The following SLC25A21 variants were observed in gnomAD, a reference collection of about 807,000 sequenced individuals.
SLC25A21 encodes the protein solute carrier family 25 member 21.
A neutral mutation model predicts 43.8 loss-of-function variants in SLC25A21; 47 were observed. The ratio of observed to expected loss-of-function variants is 1.07; its 90% CI spans 0.85 to 1.37. The LOEUF is 1.37. Ranked by LOEUF, SLC25A21 falls within the 40% of genes most tolerant of loss-of-function variation. SLC25A21 has a pLI of 0.00. For missense variants in SLC25A21, 352 were observed against 350.2 expected (o/e 1.00, Z -0.04); for synonymous variants, 131 against 121.3 (o/e 1.08, Z -0.52).
At chr14:36,909,929 C>T (rs150689486) in intron 1 of SLC25A21, among the ~76,000 whole-genome samples, 18 of 152,188 alleles carry the variant, frequency 1.2e-4, no homozygotes, top group African/African-American at 4.3e-4. Context: ...CAGTACCATT[C>T]CAAAGAACTG....
chr14:36,915,584 T>C (rs1042781493), intron 1 of SLC25A21, among the ~76,000 whole-genome samples: 6 of 152,126 alleles, frequency 3.9e-5, no homozygotes, highest in African/African-American at 1.4e-4. Context: ...CCCTCCGAAG[T>C]GAAAGGATCA....
At chr14:36,988,125 T>G (rs1960186081) in intron 1 of SLC25A21, among the ~76,000 whole-genome samples, 1 of 152,210 alleles carries the variant, frequency 6.6e-6, no homozygotes, top group African/African-American at 2.4e-5. Flanking sequence ...CTCTGCCATT[T>G]GACATACCTG....
chr14:36,965,796 C>A, intron 1 of SLC25A21, among the ~76,000 whole-genome samples: 1 of 152,108 alleles, frequency 6.6e-6, no homozygotes, highest in East Asian at 1.9e-4. Context: ...GAGCCCTAAT[C>A]ATCTGAGAAC....
chr14:36,763,080 T>A (rs1886226623), intron 3 of SLC25A21, among the ~76,000 whole-genome samples: 1 of 152,092 alleles, frequency 6.6e-6, no homozygotes, highest in Non-Finnish European at 1.5e-5. Flanking sequence ...AGCAAAGAGA[T>A]TAGGTCTTGG....
intron 1 of SLC25A21, among the ~76,000 whole-genome samples, chr14:37,056,183 C>A (rs1446582462): frequency 6.6e-6 from 1 of 152,130 alleles, no homozygotes. Flanking sequence ...AATTAAACTT[C>A]TTTTCTTTAT....
chr14:36,681,371 G>A (rs992513922), intron 9 of SLC25A21, among the ~76,000 whole-genome samples: 1 of 152,128 alleles, frequency 6.6e-6, no homozygotes, highest in Non-Finnish European at 1.5e-5. Flanking sequence ...CATTTGTCTT[G>A]GAAGAAAAGA....
chr14:36,702,699 C>T (rs1351691441), intron 7 of SLC25A21, among the ~76,000 whole-genome samples: 1 of 152,016 alleles, frequency 6.6e-6, no homozygotes, highest in East Asian at 1.9e-4. Context: ...CTGTAAACGT[C>T]ATTAAGAGAG....
intron 3 of SLC25A21, among the ~76,000 whole-genome samples, chr14:36,812,507 T>TA (rs1264263917): frequency 6.6e-6 from 1 of 150,384 alleles, no homozygotes; most frequent in African/African-American, 2.4e-5. Context: ...TTAAAATATA[T>TA]AGATACACAC....
chr14:36,860,005 C>A (rs1890022257), intron 2 of SLC25A21, among the ~76,000 whole-genome samples: 1 of 151,624 alleles, frequency 6.6e-6, no homozygotes, highest in Admixed American at 6.6e-5. Flanking sequence ...ATATATATAT[C>A]AATGAAGGAA....
chr14:36,887,417 G>T (rs1890949879), intron 1 of SLC25A21, among the ~76,000 whole-genome samples: 1 of 151,900 alleles, frequency 6.6e-6, no homozygotes, highest in South Asian at 2.1e-4. Context: ...ACAAAAGTTA[G>T]CTGGGCGTGG....
chr14:36,909,224 C>A (rs1843803753), intron 1 of SLC25A21, among the ~76,000 whole-genome samples: 1 of 152,104 alleles, frequency 6.6e-6, no homozygotes, highest in Non-Finnish European at 1.5e-5. Flanking sequence ...TACGAGGGGT[C>A]TGGTAGGCAA....
At chr14:36,990,865 C>G (rs1172819121) in intron 1 of SLC25A21, among the ~76,000 whole-genome samples, 1 of 151,600 alleles carries the variant, frequency 6.6e-6, no homozygotes, top group African/African-American at 2.4e-5. Flanking sequence ...TGAACTCCAG[C>G]CTGAACTCCA....
intron 1 of SLC25A21, among the ~76,000 whole-genome samples, chr14:36,886,899 A>T (rs945082174): frequency 6.6e-6 from 1 of 152,182 alleles, no homozygotes; most frequent in Non-Finnish European, 1.5e-5. Context: ...TGGGTAAGTG[A>T]ACCAATTTTC....
At chr14:37,080,223 C>G (rs1358742705) in intron 1 of SLC25A21, among the ~76,000 whole-genome samples, 2 of 152,188 alleles carry the variant, frequency 1.3e-5, no homozygotes, top group African/African-American at 4.8e-5. Context: ...GAAACCCTAA[C>G]TTCTACTGTA....
At chr14:36,842,690 C>T (rs1191855779) in intron 2 of SLC25A21, among the ~76,000 whole-genome samples, 1 of 152,116 alleles carries the variant, frequency 6.6e-6, no homozygotes, top group Non-Finnish European at 1.5e-5. Flanking sequence ...AGATCACCAC[C>T]TTTGATATAA....
intron 1 of SLC25A21, among the ~76,000 whole-genome samples, chr14:37,010,066 C>G (rs994323292): frequency 1.5e-4 from 23 of 152,160 alleles, no homozygotes; most frequent in African/African-American, 4.8e-4. Flanking sequence ...GACCTTGGAC[C>G]TACTGCCTCT....
intron 1 of SLC25A21, among the ~76,000 whole-genome samples, chr14:36,896,112 G>A (rs546447908): frequency 1.3e-3 from 203 of 152,180 alleles, no homozygotes; most frequent in Non-Finnish European, 2.4e-3. Context: ...TTTCTGTCTC[G>A]TTGATCTGTC....
intron 1 of SLC25A21, among the ~76,000 whole-genome samples, chr14:37,100,289 C>T (rs1210069011): frequency 2.0e-5 from 3 of 152,094 alleles, no homozygotes; most frequent in African/African-American, 7.2e-5. Context: ...GAACTCCTGA[C>T]CTCAGGTGTT....
Position 36,964,917 on chromosome 14 carries a change from GT to G in SLC25A21, c.71-89914del, listed in dbSNP as rs1053592274. Among the ~76,000 whole-genome samples the G allele has an allele frequency of 2.0e-4, 30 of 151,842 alleles. No homozygotes were observed. The South Asian group carries it at 4.8e-3, about 24-fold the overall frequency. ...AGTTCTGACTTGTTTTATTAATTTA[GT>G]TTTTTTTCCCTCTATATGGATTTTT... On this transcript the variant is annotated intron_variant, in intron 1 of 9. Transcript: ENST00000331299.
Sources: gnomAD v4.1 joint callset for allele counts (sites outside exome capture counted in the v4.1 genomes callset) on GRCh38, gnomAD v4.1.1 for gene constraint, MANE v1.5 for transcripts, NCBI Gene and HGNC (gene_info 2026-07-23, HGNC 2026-07-21) for gene names.